Variants in LAMA2 observed in about 807,000 individuals in gnomAD.
The protein encoded by LAMA2 is laminin subunit alpha-2.
In LAMA2, 269 loss-of-function variants were observed where a neutral mutation model predicts 364.8. The observed-to-expected ratio is 0.74, with a 90% CI of 0.67 to 0.82. LAMA2 has a LOEUF of 0.82. Ranked by LOEUF, LAMA2 falls within the 40% of genes least tolerant of loss-of-function variation. LAMA2 has a pLI of 0.00. For missense variants in LAMA2, 3,807 were observed against 3,873.2 expected (o/e 0.98, Z 0.45); for synonymous variants, 1,379 against 1,370.6 (o/e 1.01, Z -0.14).
At chr6:129,168,935 T>A (rs1352646196) in intron 9 of LAMA2, among the ~76,000 whole-genome samples, 2 of 151,892 alleles carry the variant, frequency 1.3e-5, no homozygotes, top group Non-Finnish European at 2.9e-5. Flanking sequence ...CAATTGTGAA[T>A]GGGAGTTCAC....
At chr6:129,049,874 C>T in intron 1 of LAMA2, 44 bp from the exon 2 acceptor site, 1 of 1,563,832 alleles carries the variant, frequency 6.4e-7, no homozygotes, top group East Asian at 2.2e-5. Flanking sequence ...AAAATCCTAA[C>T]TTTGTTTCTG....
At position 129,328,364 on chromosome 6, in the gene LAMA2, A is replaced by G. The variant is rs374353607; in HGVS notation, c.4263A>G (p.Gln1421=). The change falls in exon 29 of 65, where the codon CAA becomes CAG. Residue 1421 remains glutamine, a synonymous_variant. Coordinates refer to ENST00000421865, the MANE Select transcript of LAMA2 (RefSeq NM_000426.4). ...GPTLGTCVPC[Q]CNGHSSLCDP... is the part of the protein sequence containing the mutation. ...CCCTGGGCACCTGTGTTCCATGTCA[A>G]TGTAATGGACACAGCAGCCTGTGTG... The G allele has an allele frequency of 3.3e-5, 54 of 1,614,044 alleles. No homozygotes were observed. The highest frequency in any genetic ancestry group is 5.3e-5 in the African/African-American group (4 of 74,934).
At position 129,186,386 on chromosome 6, in the gene LAMA2, G is replaced by A. The variant is rs899447328; in HGVS notation, c.1468-3819G>A. On this transcript the variant is annotated intron_variant, in intron 10 of 64. Transcript: ENST00000421865. Reference sequence around the variant, plus strand: ...TAGGTTCAATTATATTCCCATCTATGCTTTAGGGACTGAATTGGATGGTGG... The same window carrying A: ...TAGGTTCAATTATATTCCCATCTATACTTTAGGGACTGAATTGGATGGTGG... Among the ~76,000 whole-genome samples, 7 of 151,736 alleles carry A rather than the reference G, an allele frequency of 4.6e-5. No homozygotes were observed. In the South Asian group the frequency reaches 6.2e-4, roughly 13 times the overall value.
intron 21 of LAMA2, among the ~76,000 whole-genome samples, chr6:129,298,985 A>G (rs2114455619): frequency 6.6e-6 from 1 of 152,244 alleles, no homozygotes; most frequent in South Asian, 2.1e-4. Flanking sequence ...GCTCACTGAC[A>G]TTTTTACTTA....
At chr6:129,122,241 C>A (rs1464660721) in intron 4 of LAMA2, among the ~76,000 whole-genome samples, 1 of 152,150 alleles carries the variant, frequency 6.6e-6, no homozygotes, top group Non-Finnish European at 1.5e-5. Context: ...TTTATGCAAT[C>A]AATATTTATT....
chr6:128,981,888 A>C (rs1782909358), intron 1 of LAMA2, among the ~76,000 whole-genome samples: 1 of 152,052 alleles, frequency 6.6e-6, no homozygotes, highest in South Asian at 2.1e-4. Flanking sequence ...CTCATCTCTT[A>C]ATTGCTAGCC....
intron 1 of LAMA2, among the ~76,000 whole-genome samples, chr6:128,951,363 A>T (rs147359721): frequency 1.3e-5 from 2 of 152,296 alleles, no homozygotes; most frequent in East Asian, 3.9e-4. Flanking sequence ...GGTAACTGTT[A>T]CTAAAAGGAA....
At chr6:129,499,900 A>AT (rs60844621) in intron 58 of LAMA2, among the ~76,000 whole-genome samples, 3,940 of 151,736 alleles carry the variant, frequency 0.026, 167 homozygotes, top group African/African-American at 0.087. Flanking sequence ...TATTTTTTTA[A>AT]TTTTTTTGTT....
intron 20 of LAMA2, among the ~76,000 whole-genome samples, chr6:129,293,754 A>G (rs954658276): frequency 2.0e-5 from 3 of 152,160 alleles, no homozygotes; most frequent in Admixed American, 2.0e-4. Flanking sequence ...CAGGACCTGT[A>G]GAGAATTGAG....
At chr6:129,392,071 A>G (rs1227545152) in intron 36 of LAMA2, among the ~76,000 whole-genome samples, 3 of 152,210 alleles carry the variant, frequency 2.0e-5, no homozygotes, top group African/African-American at 7.2e-5. Flanking sequence ...TTTACCATTC[A>G]TATATTGGCC....
At chr6:129,062,036 G>A (rs1172916831) in intron 3 of LAMA2, among the ~76,000 whole-genome samples, 1 of 152,264 alleles carries the variant, frequency 6.6e-6, no homozygotes, top group Non-Finnish European at 1.5e-5. Context: ...AGTTAAACAG[G>A]TTTTGTAATC....
chr6:129,154,682 G>A lies in LAMA2; in HGVS notation c.1205G>A (p.Gly402Glu). Reference protein sequence around the residue: ...TCTDGFFRPKGVSPNYPRPCQ... With the variant: ...TCTDGFFRPKEVSPNYPRPCQ... Reference sequence around the variant, plus strand: ...ACTGATGGCTTCTTCAGACCCAAAGGGGTAAAGTATGCTTTTTCTTTCATA... The same window carrying A: ...ACTGATGGCTTCTTCAGACCCAAAGAGGTAAAGTATGCTTTTTCTTTCATA... The change falls in exon 8 of 65, where the codon GGG (glycine) becomes GAG (glutamate). Residue 402 changes from glycine (G) to glutamate (E), a missense_variant and splice_region_variant. This residue lies in a region of LAMA2 where 80 missense variants were observed against 124.0 expected (regional missense o/e 0.65). Coordinates refer to ENST00000421865, the MANE Select transcript of LAMA2 (RefSeq NM_000426.4). The A allele has an allele frequency of 1.2e-6, 2 of 1,612,638 alleles. No homozygotes were observed. The highest frequency in any genetic ancestry group is 8.5e-7 in the Non-Finnish European group (1 of 1,178,918).
chr6:129,081,137 G>A (rs1438563300), intron 3 of LAMA2, among the ~76,000 whole-genome samples: 2 of 151,900 alleles, frequency 1.3e-5, no homozygotes, highest in East Asian at 1.9e-4. Flanking sequence ...GCAAACTATA[G>A]CAAGGACAGG....
intron 58 of LAMA2, among the ~76,000 whole-genome samples, chr6:129,498,877 C>CAGTT (rs747263215): frequency 2.2e-4 from 33 of 152,184 alleles, no homozygotes; most frequent in Admixed American, 1.8e-3. Flanking sequence ...CACCAATCTG[C>CAGTT]AGTTAGTTAG....
intron 37 of LAMA2, among the ~76,000 whole-genome samples, chr6:129,399,586 A>C (rs1779848967): frequency 6.6e-6 from 1 of 152,192 alleles, no homozygotes; most frequent in Non-Finnish European, 1.5e-5. Flanking sequence ...GCTTTTAATC[A>C]CTGTGCCCTA....
chr6:129,486,690 A>G (rs1475232638), intron 56 of LAMA2, 68 bp downstream of exon 56: 3 of 1,412,812 alleles, frequency 2.1e-6, no homozygotes, highest in Non-Finnish European at 3.0e-6. Flanking sequence ...ATCGGTATCT[A>G]TCAGTATCTG....
intron 8 of LAMA2, 117 bp downstream of exon 8, chr6:129,154,800 A>C: frequency 1.2e-6 from 1 of 822,966 alleles, no homozygotes; most frequent in Non-Finnish European, 2.0e-6. Flanking sequence ...CTTCAAATTA[A>C]AAGGTAAGTA....
chr6:129,507,943 A>G (rs1786237019), intron 62 of LAMA2, among the ~76,000 whole-genome samples: 2 of 152,042 alleles, frequency 1.3e-5, no homozygotes, highest in African/African-American at 4.8e-5. Flanking sequence ...TGTTTATACT[A>G]TGTTGTTTTT....
chr6:129,132,577 T>C (rs948226192), intron 4 of LAMA2, among the ~76,000 whole-genome samples: 10 of 152,202 alleles, frequency 6.6e-5, no homozygotes, highest in African/African-American at 2.2e-4. Context: ...TTCAGTGACC[T>C]TAGCATTTCC....
Sources: gnomAD v4.1 joint callset for allele counts (sites outside exome capture counted in the v4.1 genomes callset) on GRCh38, gnomAD v4.1.1 for gene constraint, gnomAD v4.1.1 regional missense constraint, MANE v1.5 for transcripts, NCBI Gene and HGNC (gene_info 2026-07-23, HGNC 2026-07-21) for gene names.